Variants in ZNF385D observed in about 807,000 individuals in gnomAD.
ZNF385D encodes zinc finger protein 385D, also known as zinc finger protein 659.
A neutral mutation model predicts 35.8 loss-of-function variants in ZNF385D; 15 were observed. That is an observed-to-expected ratio of 0.42 (90% CI 0.28 to 0.64). The LOEUF (loss-of-function observed/expected upper bound fraction) is 0.64. Among genes scored for constraint, ZNF385D ranks in the 30% least tolerant of loss-of-function variants. ZNF385D has a pLI of 0.23. For missense variants in ZNF385D, 474 were observed against 494.6 expected (o/e 0.96, Z 0.39); for synonymous variants, 212 against 186.8 (o/e 1.13, Z -1.10).
chr3:22,263,875 GC>G (rs1700758408), intron 2 of ZNF385D, among the ~76,000 whole-genome samples: 1 of 151,808 alleles, frequency 6.6e-6, no homozygotes, highest in Admixed American at 6.6e-5. Context: ...AGCCCCTCAT[GC>G]AAAAAATAAT....
intron 1 of ZNF385D, among the ~76,000 whole-genome samples, chr3:21,727,194 A>T (rs1330459631): frequency 6.6e-6 from 1 of 152,190 alleles, no homozygotes; most frequent in Non-Finnish European, 1.5e-5. Flanking sequence ...AAATACTTAA[A>T]CATAAGACCT....
At chr3:22,111,695 T>C (rs1702545502) in intron 3 of ZNF385D, among the ~76,000 whole-genome samples, 1 of 152,140 alleles carries the variant, frequency 6.6e-6, no homozygotes, top group South Asian at 2.1e-4. Context: ...CAGGCTTAAA[T>C]CATAAAAAAG....
At chr3:22,200,888 G>C (rs1696745940) in intron 2 of ZNF385D, among the ~76,000 whole-genome samples, 1 of 152,138 alleles carries the variant, frequency 6.6e-6, no homozygotes, top group African/African-American at 2.4e-5. Context: ...CCAGCGGTCA[G>C]AGTGTAAGGT....
chr3:22,134,717 C>G (rs1174592865), intron 3 of ZNF385D, among the ~76,000 whole-genome samples: 1 of 152,154 alleles, frequency 6.6e-6, no homozygotes, highest in East Asian at 1.9e-4. Context: ...GCACTAGAGG[C>G]TGAGAAGTCC....
intron 3 of ZNF385D, among the ~76,000 whole-genome samples, chr3:22,027,176 T>A (rs755544157): frequency 4.6e-5 from 7 of 152,202 alleles, no homozygotes; most frequent in Non-Finnish European, 1.0e-4. Context: ...GTTGCTGCAT[T>A]TGGCCCCTCC....
At chr3:21,767,379 T>G (rs202093641) in intron 3 of ZNF385D, among the ~76,000 whole-genome samples, 1 of 47,318 alleles carries the variant, frequency 2.1e-5, no homozygotes, top group South Asian at 5.8e-4. Context: ...TTACTCATTC[T>G]TTTTTTTCCA....
chr3:22,034,560 T>C (rs950736940), intron 3 of ZNF385D, among the ~76,000 whole-genome samples: 2 of 152,200 alleles, frequency 1.3e-5, no homozygotes, highest in Admixed American at 1.3e-4. Flanking sequence ...AAGAAATCAA[T>C]TTGAATTGTA....
chr3:22,096,128 AT>A (rs1486247138), intron 3 of ZNF385D, among the ~76,000 whole-genome samples: 1 of 116,514 alleles, frequency 8.6e-6, no homozygotes, highest in East Asian at 2.2e-4. Flanking sequence ...GGTAAAAAAA[AT>A]ATATATACAT....
At chr3:22,228,239 C>A (rs936153212) in intron 2 of ZNF385D, among the ~76,000 whole-genome samples, 10 of 152,292 alleles carry the variant, frequency 6.6e-5, no homozygotes, top group African/African-American at 2.4e-4. Flanking sequence ...CTAATAAAGG[C>A]TCTTTTCAGA....
intron 2 of ZNF385D, among the ~76,000 whole-genome samples, chr3:22,227,450 G>C (rs1021027892): frequency 1.3e-5 from 2 of 152,146 alleles, no homozygotes; most frequent in Admixed American, 6.5e-5. Context: ...AGAAGAATCT[G>C]AACAGACATG....
intron 3 of ZNF385D, among the ~76,000 whole-genome samples, chr3:21,952,223 A>G (rs1187784841): frequency 6.6e-6 from 1 of 151,770 alleles, no homozygotes; most frequent in Non-Finnish European, 1.5e-5. Context: ...GGATACTCTG[A>G]TTTTTCTCAC....
chr3:21,574,230 G>T (rs2063425247), intron 2 of ZNF385D, among the ~76,000 whole-genome samples: 1 of 152,070 alleles, frequency 6.6e-6, no homozygotes, highest in Non-Finnish European at 1.5e-5. Context: ...GAACTTGAAT[G>T]CGATCAAGAC....
At chr3:21,507,107 A>C (rs1045520453) in intron 4 of ZNF385D, among the ~76,000 whole-genome samples, 1 of 152,310 alleles carries the variant, frequency 6.6e-6, no homozygotes, top group South Asian at 2.1e-4. Flanking sequence ...TGAAAATTTA[A>C]GAGGAATTAT....
chr3:21,806,030 C>A (rs781108852), intron 3 of ZNF385D, among the ~76,000 whole-genome samples: 35 of 152,076 alleles, frequency 2.3e-4, no homozygotes, highest in Non-Finnish European at 4.4e-4. Flanking sequence ...GCCAGGCATA[C>A]AGCCTTGTTC....
At chr3:21,664,812 GA>G in intron 2 of ZNF385D, 73 bp downstream of exon 2, 1 of 1,598,174 alleles carries the variant, frequency 6.3e-7, no homozygotes, top group Admixed American at 1.7e-5. Context: ...GGCAGTGGCC[GA>G]ACCAACCCTG....
At chr3:22,267,043 A>G (rs1445473877) in intron 2 of ZNF385D, among the ~76,000 whole-genome samples, 1 of 151,968 alleles carries the variant, frequency 6.6e-6, no homozygotes, top group Non-Finnish European at 1.5e-5. Flanking sequence ...AGATTAGGCA[A>G]TTCTCTTCTG....
chr3:21,924,326 T>G (rs955236551), intron 3 of ZNF385D, among the ~76,000 whole-genome samples: 1 of 151,844 alleles, frequency 6.6e-6, no homozygotes, highest in Non-Finnish European at 1.5e-5. Flanking sequence ...GCTTCCTGAG[T>G]TTTTTTTGTC....
intron 2 of ZNF385D, among the ~76,000 whole-genome samples, chr3:22,261,775 G>T (rs1324960674): frequency 6.6e-6 from 1 of 151,808 alleles, no homozygotes; most frequent in African/African-American, 2.4e-5. Context: ...CCATCTGTTG[G>T]CTTCTTCAAC....
chr3:22,233,674 G>A (rs1486430206), intron 2 of ZNF385D, among the ~76,000 whole-genome samples: 1 of 151,984 alleles, frequency 6.6e-6, no homozygotes, highest in Admixed American at 6.6e-5. Context: ...CCACTTCACT[G>A]AAATTATCCC....
Sources: gnomAD v4.1 joint callset for allele counts (sites outside exome capture counted in the v4.1 genomes callset) on GRCh38, gnomAD v4.1.1 for gene constraint, MANE v1.5 for transcripts, NCBI Gene and HGNC (gene_info 2026-07-23, HGNC 2026-07-21) for gene names.